PHF21A: variants seen among roughly 807,000 people sequenced by gnomAD.
The protein encoded by PHF21A is BHC80a.
In PHF21A, 11 loss-of-function variants were observed where a neutral mutation model predicts 82.5. The observed-to-expected ratio is 0.13, with a 90% confidence interval of 0.08 to 0.22. PHF21A has a LOEUF of 0.22. Among genes scored for constraint, PHF21A ranks in the 10% least tolerant of loss-of-function variants. The probability of loss-of-function intolerance (pLI) is 1.00; values close to 1 mark genes in which losing one functional copy is unlikely to be tolerated. For synonymous variants in PHF21A, 297 were observed against 302.8 expected, an observed-to-expected ratio of 0.98 and a Z score of 0.20; for missense variants, 579 against 837.8, an observed-to-expected ratio of 0.69 and a Z score of 3.81.
chr11:45,939,903 C>A (rs2090017641), intron 15 of PHF21A, among the ~76,000 whole-genome samples: 1 of 151,866 alleles, frequency 6.6e-6, no homozygotes, highest in South Asian at 2.1e-4. Flanking sequence ...AAGGGAAGTG[C>A]TAGAGGTGAC....
chr11:45,982,661 AT>A, intron 6 of PHF21A, among the ~76,000 whole-genome samples: 1 of 152,294 alleles, frequency 6.6e-6, no homozygotes, highest in East Asian at 1.9e-4. Flanking sequence ...AAATTAAGTA[AT>A]TATTTAGAGT....
chr11:46,084,981 A>ATTATCTTTTAAAATATTTGG (rs2096839644), intron 3 of PHF21A, among the ~76,000 whole-genome samples: 1 of 151,906 alleles, frequency 6.6e-6, no homozygotes, highest in Non-Finnish European at 1.5e-5. Context: ...CGCTGAGCCA[A>ATTATCTTTTAAAATATTTGG]AATCATACAT....
In PHF21A at chr11:45,988,167, A is replaced by G. The variant is rs146534502; in HGVS notation, c.154-8201T>C. On this transcript the variant is annotated intron_variant, in intron 6 of 18. Transcript: ENST00000676320. ...AGGTACCATTTGAGATAATGTAGGAAGTCACATTTTCACAGAAACACAAGA... is the reference window on the plus strand; with the variant it reads ...AGGTACCATTTGAGATAATGTAGGAGGTCACATTTTCACAGAAACACAAGA... Among the ~76,000 whole-genome samples the G allele has an allele frequency of 3.9e-4, 60 of 152,360 alleles. 3 individuals carry two copies. The East Asian group carries it at 0.011, about 29-fold the overall frequency.
At chr11:46,071,103 C>T (rs1362904313) in intron 6 of PHF21A, among the ~76,000 whole-genome samples, 1 of 152,160 alleles carries the variant, frequency 6.6e-6, no homozygotes, top group African/African-American at 2.4e-5. Flanking sequence ...TAAAATTATA[C>T]ATTCACACCC....
intron 6 of PHF21A, among the ~76,000 whole-genome samples, chr11:45,981,118 G>A (rs996714116): frequency 2.6e-5 from 4 of 152,046 alleles, no homozygotes; most frequent in African/African-American, 9.7e-5. Context: ...CAACACGGTG[G>A]CTCATGCCTG....
chr11:46,082,166 A>T (rs1440590096), intron 4 of PHF21A, among the ~76,000 whole-genome samples: 2 of 152,242 alleles, frequency 1.3e-5, no homozygotes, highest in Non-Finnish European at 2.9e-5. Flanking sequence ...CCATTCATAA[A>T]GAAAACACAA....
chr11:45,935,392 C>A, intron 18 of PHF21A: 1 of 763,618 alleles, frequency 1.3e-6, no homozygotes, highest in Non-Finnish European at 2.1e-6. Context: ...GACTGAAAAT[C>A]CTCTCTCTGA....
chr11:46,043,383 C>G (rs940111219), intron 6 of PHF21A, among the ~76,000 whole-genome samples: 5 of 152,142 alleles, frequency 3.3e-5, no homozygotes, highest in African/African-American at 1.2e-4. Context: ...ACATCATCAC[C>G]TTTATCAATA....
At chr11:46,006,117 C>T (rs528971357) in intron 6 of PHF21A, among the ~76,000 whole-genome samples, 6 of 152,156 alleles carry the variant, frequency 3.9e-5, no homozygotes, top group African/African-American at 1.2e-4. Context: ...TTTACATTTA[C>T]GATTAAAGAA....
chr11:46,118,529 A>T (rs1171022908), intron 1 of PHF21A, among the ~76,000 whole-genome samples: 1 of 152,134 alleles, frequency 6.6e-6, no homozygotes, highest in African/African-American at 2.4e-5. Flanking sequence ...ATAGTTGTAC[A>T]TCTACAAACG....
intron 6 of PHF21A, among the ~76,000 whole-genome samples, chr11:46,062,522 C>T (rs182054401): frequency 8.5e-5 from 13 of 152,186 alleles, no homozygotes; most frequent in African/African-American, 2.7e-4. Flanking sequence ...CCTTGTTTCA[C>T]TAATGCAATA....
chr11:46,008,971 CTTTTTTTTTTTTT>C (rs368337006), intron 6 of PHF21A, among the ~76,000 whole-genome samples: 1 of 111,584 alleles, frequency 9.0e-6, no homozygotes, highest in African/African-American at 3.5e-5. Context: ...TCACATTTCA[CTTTTTTTTTTTTT>C]TTTTTTTTTG....
chr11:46,118,508 T>C (rs926058612), intron 1 of PHF21A, among the ~76,000 whole-genome samples: 1 of 152,118 alleles, frequency 6.6e-6, no homozygotes, highest in Non-Finnish European at 1.5e-5. Flanking sequence ...TACTATGCTC[T>C]TCACTTAAGG....
At chr11:46,080,594 A>C (rs569872620) in intron 4 of PHF21A, among the ~76,000 whole-genome samples, 13 of 152,212 alleles carry the variant, frequency 8.5e-5, no homozygotes, top group Non-Finnish European at 1.8e-4. Flanking sequence ...AAAGTTCTTA[A>C]ATCCACATTG....
rs769603864 is a variant in PHF21A at position 45,965,592 on chromosome 11, A to G, written c.719T>C (p.Val240Ala). Reference protein sequence around the residue: ...NFLPQVRPKPVAQNNIPIAPA... With the variant: ...NFLPQVRPKPAAQNNIPIAPA... ...GGCAATAGGAATGTTATTCTGGGCC[A>G]CAGGCTTGGGTCGAACCTATAGGGG... The change falls in exon 10 of 19, where the codon GTG becomes GCG. Residue 240 changes from valine to alanine, a missense_variant. Coordinates refer to ENST00000676320, the MANE Select transcript of PHF21A (RefSeq NM_001352027.3). 3.2e-6 allele frequency: 5 copies of G among 1,561,068 alleles called. No individual in the cohort carries two copies. Among genetic ancestry groups the G allele is most frequent in the Non-Finnish European group, 4.3e-6 (5 of 1,151,426 alleles).
chr11:46,095,126 C>A (rs951445476), intron 1 of PHF21A, among the ~76,000 whole-genome samples: 3 of 151,858 alleles, frequency 2.0e-5, no homozygotes, highest in Non-Finnish European at 4.4e-5. Context: ...CTGTGCACAT[C>A]AGAAATCCCA....
chr11:45,969,785 T>C (rs2093649410), intron 9 of PHF21A, 30 bp downstream of exon 9: 1 of 1,439,932 alleles, frequency 6.9e-7, no homozygotes, highest in African/African-American at 1.4e-5. Context: ...CCATCTAACC[T>C]ATCATTGAGC....
chr11:45,940,868 G>A (rs889009981), intron 15 of PHF21A, among the ~76,000 whole-genome samples: 5 of 152,192 alleles, frequency 3.3e-5, no homozygotes, highest in Admixed American at 2.0e-4. Context: ...TAAACGAAGA[G>A]GCGTTCACTT....
intron 6 of PHF21A, among the ~76,000 whole-genome samples, chr11:45,990,229 C>A (rs2094637733): frequency 7.0e-6 from 1 of 143,324 alleles, no homozygotes; most frequent in Non-Finnish European, 1.5e-5. Context: ...CAGTAAAAAT[C>A]ATTTATAGCA....
Sources: gnomAD v4.1 joint callset for allele counts (sites outside exome capture counted in the v4.1 genomes callset) on GRCh38, gnomAD v4.1.1 for gene constraint, MANE v1.5 for transcripts, NCBI Gene and HGNC (gene_info 2026-07-23, HGNC 2026-07-21) for gene names.